The following COL4A1 variants were observed in gnomAD, a reference collection of about 807,000 sequenced individuals.
The protein encoded by COL4A1 is collagen alpha-1(IV) chain.
In COL4A1, 40 loss-of-function variants were observed where a neutral mutation model predicts 216.6. The observed-to-expected ratio is 0.18, with a 90% CI of 0.14 to 0.24. The LOEUF (loss-of-function observed/expected upper bound fraction) is 0.24, where lower values mean the gene tolerates loss of function less well. COL4A1 is among the 10% of genes least tolerant of loss of function. COL4A1 has a pLI of 1.00. For missense variants in COL4A1, 1,628 were observed against 2,196.8 expected (o/e 0.74, Z 5.18); for synonymous variants, 839 against 810.7 (o/e 1.03, Z -0.59).
chr13:110,270,375 G>C (rs681777), intron 1 of COL4A1, among the ~76,000 whole-genome samples: 42,512 of 152,174 alleles, frequency 0.28, 6,541 homozygotes, highest in African/African-American at 0.42. Context: ...TTATTCAAAT[G>C]ATCAAAACAA....
In COL4A1 at chr13:110,210,435, C is replaced by T. The variant is rs186765111; in HGVS notation, c.469-223G>A. Among the ~76,000 whole-genome samples the T allele has an allele frequency of 3.4e-3, 516 of 152,122 alleles. 1 individual carries two copies. The highest frequency in any genetic ancestry group is 0.012 in the African/African-American group (479 of 41,482). ...ACTGCCTGGTCAACTGAGCCGCAGC[C>T]GGGACTGAATGTAGAGACGGCAAAG... On this transcript the variant is annotated intron_variant, in intron 8 of 51. Transcript: ENST00000375820.
chr13:110,229,364 C>T (rs1398252026), intron 2 of COL4A1, among the ~76,000 whole-genome samples: 1 of 152,194 alleles, frequency 6.6e-6, no homozygotes, highest in African/African-American at 2.4e-5. Context: ...GTCAGAGTCC[C>T]AACTCTTTCC....
At chr13:110,230,939 C>A (rs535095896) in intron 2 of COL4A1, among the ~76,000 whole-genome samples, 11 of 152,294 alleles carry the variant, frequency 7.2e-5, no homozygotes, top group African/African-American at 2.2e-4. Context: ...AGATTCAGGG[C>A]AGGGCACCCA....
intron 1 of COL4A1, among the ~76,000 whole-genome samples, chr13:110,267,867 TTATATG>T (rs1220656580): frequency 6.6e-6 from 1 of 152,128 alleles, no homozygotes; most frequent in Non-Finnish European, 1.5e-5. Context: ...ATATGTATAT[TTATATG>T]TATATGTGTA....
At chr13:110,297,744 C>T (rs933952805) in intron 1 of COL4A1, among the ~76,000 whole-genome samples, 43 of 152,212 alleles carry the variant, frequency 2.8e-4, no homozygotes, top group African/African-American at 9.6e-4. Flanking sequence ...GGCACATGTC[C>T]GAATGCAAAG....
chr13:110,249,737 T>G (rs1232326677), intron 1 of COL4A1, among the ~76,000 whole-genome samples: 1 of 152,168 alleles, frequency 6.6e-6, no homozygotes, highest in African/African-American at 2.4e-5. Flanking sequence ...GTTGATAAAC[T>G]TCAATAAAAT....
chr13:110,271,141 A>G (rs916594165), intron 1 of COL4A1, among the ~76,000 whole-genome samples: 1 of 152,168 alleles, frequency 6.6e-6, no homozygotes, highest in African/African-American at 2.4e-5. Context: ...ATGTAAGCAA[A>G]TGGGAGCAAA....
chr13:110,263,923 T>C (rs921270234), intron 1 of COL4A1, among the ~76,000 whole-genome samples: 1 of 152,168 alleles, frequency 6.6e-6, no homozygotes, highest in Non-Finnish European at 1.5e-5. Flanking sequence ...TTACTATTAT[T>C]TAAAAAAGAA....
At chr13:110,196,791 G>A (rs897824120) in intron 21 of COL4A1, among the ~76,000 whole-genome samples, 2 of 152,170 alleles carry the variant, frequency 1.3e-5, no homozygotes, top group African/African-American at 4.8e-5. Flanking sequence ...GAATGCAGTG[G>A]CAGAACTTAC....
At chr13:110,231,461 G>A (rs147016882) in intron 2 of COL4A1, among the ~76,000 whole-genome samples, 21 of 152,344 alleles carry the variant, frequency 1.4e-4, no homozygotes, top group African/African-American at 2.6e-4. Context: ...GCGAATGACC[G>A]TTCGGTTTGC....
chr13:110,200,379 A>T (rs924099722), intron 20 of COL4A1, among the ~76,000 whole-genome samples: 1 of 152,342 alleles, frequency 6.6e-6, no homozygotes, highest in Non-Finnish European at 1.5e-5. Context: ...CAGGGAGGCA[A>T]GGCTGGGGCT....
At chr13:110,203,158 A>G (rs952633928) in intron 18 of COL4A1, among the ~76,000 whole-genome samples, 2 of 152,122 alleles carry the variant, frequency 1.3e-5, no homozygotes, top group Admixed American at 1.3e-4. Flanking sequence ...GGTTGCAGTG[A>G]GCCAAGATCG....
intron 2 of COL4A1, among the ~76,000 whole-genome samples, chr13:110,230,314 TGTGATATGTGCATGCAC>T (rs919011988): frequency 3.9e-5 from 6 of 151,930 alleles, no homozygotes; most frequent in Admixed American, 6.6e-5. Context: ...TGTGCGTGTA[TGTGATATGTGCATGCAC>T]GTGATGTGTG....
chr13:110,237,165 G>A (rs897801080), intron 2 of COL4A1, among the ~76,000 whole-genome samples: 2 of 152,156 alleles, frequency 1.3e-5, no homozygotes, highest in Admixed American at 6.5e-5. Flanking sequence ...CAGTGGGTCC[G>A]CCACAGAGTC....
chr13:110,168,426 C>T (rs1397238411), intron 43 of COL4A1, among the ~76,000 whole-genome samples: 1 of 152,076 alleles, frequency 6.6e-6, no homozygotes, highest in Non-Finnish European at 1.5e-5. Context: ...CAATAGGGGC[C>T]CAAAAATACA....
chr13:110,291,852 C>T lies in COL4A1; in HGVS notation c.84+15092G>A, dbSNP rs142598313. On this transcript the variant is annotated intron_variant, in intron 1 of 51. Coordinates refer to ENST00000375820, the MANE Select transcript of COL4A1 (RefSeq NM_001845.6). Reference sequence around the variant, plus strand: ...TCAAATTTCCATTTTCTAGCATGACCTTGACAACCAATTAGTCAATCAAGA... The same window carrying T: ...TCAAATTTCCATTTTCTAGCATGACTTTGACAACCAATTAGTCAATCAAGA... 2.6e-5 allele frequency among the ~76,000 whole-genome samples: 4 copies of T among 152,272 alleles called. No homozygotes were observed. In the East Asian group the frequency reaches 7.7e-4, roughly 29 times the overall value.
chr13:110,304,893 T>A (rs1392265058), intron 1 of COL4A1, among the ~76,000 whole-genome samples: 1 of 152,210 alleles, frequency 6.6e-6, no homozygotes, highest in Non-Finnish European at 1.5e-5. Context: ...TGAATGAGGA[T>A]CTGATCAAAT....
chr13:110,164,839 C>G, intron 46 of COL4A1, 23 bp downstream of exon 46: 1 of 1,612,950 alleles, frequency 6.2e-7, no homozygotes, highest in Non-Finnish European at 8.5e-7. Flanking sequence ...CCATACCGCC[C>G]TGCACAGGCC....
intron 49 of COL4A1, among the ~76,000 whole-genome samples, chr13:110,159,970 G>C (rs1253345685): frequency 2.6e-5 from 4 of 152,112 alleles, no homozygotes; most frequent in African/African-American, 9.7e-5. Flanking sequence ...TGGAGTCAGT[G>C]TTTAACAGGG....
Sources: gnomAD v4.1 joint callset for allele counts (sites outside exome capture counted in the v4.1 genomes callset) on GRCh38, gnomAD v4.1.1 for gene constraint, MANE v1.5 for transcripts, NCBI Gene and HGNC (gene_info 2026-07-23, HGNC 2026-07-21) for gene names.